ST6GALNAC3: variants seen among roughly 807,000 people sequenced by gnomAD.
The protein encoded by ST6GALNAC3 is alpha-N-acetylgalactosaminide alpha-2,6-sialyltransferase 3.
Under a neutral mutation model 32.7 loss-of-function variants are expected in ST6GALNAC3, and 25 were observed. The observed-to-expected ratio is 0.76, with a 90% confidence interval of 0.56 to 1.07. ST6GALNAC3 has a LOEUF of 1.07. Among genes scored for constraint, ST6GALNAC3 ranks in the 50% least tolerant of loss-of-function variants. ST6GALNAC3 has a pLI of 0.00. For missense variants in ST6GALNAC3, 355 were observed against 382.4 expected, an observed-to-expected ratio of 0.93 and a Z score of 0.60; for synonymous variants, 129 against 133.1, an observed-to-expected ratio of 0.97 and a Z score of 0.21.
At chr1:76,606,705 G>A (rs1438083257) in intron 3 of ST6GALNAC3, among the ~76,000 whole-genome samples, 2 of 150,144 alleles carry the variant, frequency 1.3e-5, no homozygotes, top group Non-Finnish European at 3.0e-5. Flanking sequence ...TCCTGCACAT[G>A]TACCCCAGAG....
intron 1 of ST6GALNAC3, among the ~76,000 whole-genome samples, chr1:76,183,285 A>C (rs576830832): frequency 6.6e-6 from 1 of 152,210 alleles, no homozygotes; most frequent in East Asian, 1.9e-4. Flanking sequence ...ATAGTATTAC[A>C]TTATTATTTA....
intron 2 of ST6GALNAC3, among the ~76,000 whole-genome samples, chr1:76,369,378 A>T (rs920861414): frequency 6.6e-6 from 1 of 152,132 alleles, no homozygotes; most frequent in African/African-American, 2.4e-5. Context: ...CTAATAACAA[A>T]TGTATATATG....
chr1:76,522,255 T>A (rs976566992), intron 3 of ST6GALNAC3, among the ~76,000 whole-genome samples: 4 of 152,204 alleles, frequency 2.6e-5, no homozygotes, highest in Non-Finnish European at 5.9e-5. Flanking sequence ...AGTTTTTCTA[T>A]GATATGCCTT....
chr1:76,521,314 C>T (rs186077909), intron 3 of ST6GALNAC3, among the ~76,000 whole-genome samples: 6 of 151,452 alleles, frequency 4.0e-5, no homozygotes, highest in South Asian at 2.1e-4. Context: ...CACACACGCG[C>T]GTACATACAT....
intron 1 of ST6GALNAC3, among the ~76,000 whole-genome samples, chr1:76,096,680 T>A (rs1322035447): frequency 6.6e-6 from 1 of 152,000 alleles, no homozygotes; most frequent in African/African-American, 2.4e-5. Flanking sequence ...AGTGAATATA[T>A]TGATGATTGC....
intron 1 of ST6GALNAC3, among the ~76,000 whole-genome samples, chr1:76,282,846 T>C (rs1050941339): frequency 6.9e-5 from 10 of 145,868 alleles, no homozygotes; most frequent in African/African-American, 2.3e-4. Flanking sequence ...CTGGCCAACA[T>C]GGTGACATCC....
chr1:76,387,668 TTAATAA>T (rs1206222823), intron 2 of ST6GALNAC3, among the ~76,000 whole-genome samples: 1 of 152,130 alleles, frequency 6.6e-6, no homozygotes, highest in South Asian at 2.1e-4. Flanking sequence ...TTATTTTGTC[TTAATAA>T]TAATAATTAA....
intron 2 of ST6GALNAC3, among the ~76,000 whole-genome samples, chr1:76,404,885 T>C (rs762486840): frequency 1.3e-5 from 2 of 152,018 alleles, no homozygotes; most frequent in Non-Finnish European, 2.9e-5. Flanking sequence ...ACCATTAGAG[T>C]AGTGTAAAAC....
At chr1:76,375,742 G>A (rs1055498278) in intron 2 of ST6GALNAC3, among the ~76,000 whole-genome samples, 15 of 152,138 alleles carry the variant, frequency 9.9e-5, no homozygotes, top group African/African-American at 2.2e-4. Flanking sequence ...TTTTTTGTTC[G>A]ATCATATTTT....
chr1:76,606,548 T>A (rs1570431119), intron 3 of ST6GALNAC3, among the ~76,000 whole-genome samples: 1 of 151,894 alleles, frequency 6.6e-6, no homozygotes, highest in African/African-American at 2.4e-5. Context: ...AAACAACCCA[T>A]ACTGGGTCCT....
At chr1:76,341,689 C>A (rs1026098213) in intron 2 of ST6GALNAC3, among the ~76,000 whole-genome samples, 1 of 142,734 alleles carries the variant, frequency 7.0e-6, no homozygotes, top group Non-Finnish European at 1.5e-5. Context: ...TTCCTTCTTT[C>A]TTTCTTTCTT....
Position 76,361,935 on chromosome 1 carries a change from G to A in ST6GALNAC3, c.213+47936G>A, listed in dbSNP as rs183947553. Among the ~76,000 whole-genome samples, 508 of 147,278 alleles carry A rather than the reference G, an allele frequency of 3.4e-3. 1 individual carries two copies. Among genetic ancestry groups the A allele is most frequent in the African/African-American group, 0.012 (450 of 38,698 alleles). ...GAAGGTTGCAGTGCGCTGAGATCAC[G>A]CCACTGCACTCCAGCCTGGGCAACA... On this transcript the variant is annotated intron_variant, in intron 2 of 4. Coordinates refer to ENST00000328299, the MANE Select transcript of ST6GALNAC3 (RefSeq NM_152996.4).
chr1:76,090,643 C>A (rs965387369), intron 1 of ST6GALNAC3, among the ~76,000 whole-genome samples: 3 of 152,192 alleles, frequency 2.0e-5, no homozygotes, highest in African/African-American at 7.2e-5. Context: ...CTACAGGATC[C>A]CTTTCCAGTC....
At chr1:76,388,795 T>A (rs1173806447) in intron 2 of ST6GALNAC3, among the ~76,000 whole-genome samples, 1 of 152,150 alleles carries the variant, frequency 6.6e-6, no homozygotes, top group Non-Finnish European at 1.5e-5. Flanking sequence ...CTCCTCTGTA[T>A]AATTCTGCAG....
At chr1:76,328,350 A>G (rs1347585670) in intron 2 of ST6GALNAC3, among the ~76,000 whole-genome samples, 4 of 152,192 alleles carry the variant, frequency 2.6e-5, no homozygotes, top group Admixed American at 6.5e-5. Context: ...GGCATGAGCT[A>G]CCGTTAAACT....
chr1:76,108,015 T>TG (rs1571165611), intron 1 of ST6GALNAC3, among the ~76,000 whole-genome samples: 1 of 152,212 alleles, frequency 6.6e-6, no homozygotes, highest in African/African-American at 2.4e-5. Flanking sequence ...ATATTTGGGC[T>TG]GTTTGAGTTG....
intron 2 of ST6GALNAC3, among the ~76,000 whole-genome samples, chr1:76,403,271 T>C (rs1034555643): frequency 2.0e-5 from 3 of 152,146 alleles, no homozygotes; most frequent in Non-Finnish European, 4.4e-5. Flanking sequence ...TGGCACTACA[T>C]GCAGACCTCC....
intron 3 of ST6GALNAC3, among the ~76,000 whole-genome samples, chr1:76,584,324 C>T (rs1162221881): frequency 6.6e-6 from 1 of 152,136 alleles, no homozygotes. Flanking sequence ...ACAGTGCTTG[C>T]TTGGTTCAGA....
At chr1:76,518,133 T>C (rs958349517) in intron 3 of ST6GALNAC3, among the ~76,000 whole-genome samples, 1 of 152,056 alleles carries the variant, frequency 6.6e-6, no homozygotes, top group Non-Finnish European at 1.5e-5. Context: ...TTTCTCCTTA[T>C]AAAATTTTAA....
Sources: gnomAD v4.1 joint callset for allele counts (sites outside exome capture counted in the v4.1 genomes callset) on GRCh38, gnomAD v4.1.1 for gene constraint, MANE v1.5 for transcripts, NCBI Gene and HGNC (gene_info 2026-07-23, HGNC 2026-07-21) for gene names.